The following ADGRA3 variants were observed in gnomAD, a reference collection of about 807,000 sequenced individuals.
ADGRA3 encodes G-protein coupled receptor 125.
ADGRA3 carries 56 observed loss-of-function variants against 119.8 expected under a neutral mutation model. That is an observed-to-expected ratio of 0.47 (90% CI 0.38 to 0.58). ADGRA3 has a LOEUF of 0.58. Among genes scored for constraint, ADGRA3 ranks in the 20% least tolerant of loss-of-function variants. The probability of loss-of-function intolerance (pLI) is 0.00; values close to 1 mark genes in which losing one functional copy is unlikely to be tolerated. For synonymous variants in ADGRA3, 607 were observed against 623.8 expected, an observed-to-expected ratio of 0.97 and a Z score of 0.40; for missense variants, 1,516 against 1,649.0, an observed-to-expected ratio of 0.92 and a Z score of 1.40.
At chr4:22,455,245 T>C (rs1407922345) in intron 3 of ADGRA3, among the ~76,000 whole-genome samples, 1 of 152,174 alleles carries the variant, frequency 6.6e-6, no homozygotes. Context: ...TCAAACTATT[T>C]TGCTGCCTGC....
At chr4:22,501,359 T>C (rs1719042160) in intron 1 of ADGRA3, among the ~76,000 whole-genome samples, 1 of 152,164 alleles carries the variant, frequency 6.6e-6, no homozygotes. Flanking sequence ...AAGGCCAGGA[T>C]CTTCAGTTTT....
chr4:22,391,395 C>A (rs1337126675), intron 17 of ADGRA3, among the ~76,000 whole-genome samples: 1 of 152,118 alleles, frequency 6.6e-6, no homozygotes, highest in South Asian at 2.1e-4. Context: ...CGCTAGCTAG[C>A]TAGAATAGAC....
intron 1 of ADGRA3, among the ~76,000 whole-genome samples, chr4:22,505,505 G>A (rs1719205081): frequency 6.6e-6 from 1 of 151,980 alleles, no homozygotes; most frequent in Non-Finnish European, 1.5e-5. Context: ...AAATTAGCTA[G>A]GCATGGTGGT....
At position 22,387,710 on chromosome 4, in the gene ADGRA3, C is replaced by T; in HGVS notation, c.3961G>A (p.Val1321Met). Residue 1321 changes from valine to methionine, a missense_variant, in exon 19 of 19, where the codon GTG (valine) becomes ATG (methionine). Transcript: ENST00000334304. ...GCCTAGGAAGCCCAGCAATGTTACA[C>T]AGTAGTTTCGTGTTTCCATAATCCA... The part of the protein sequence containing the change: ...RTGLWKHETT[V>M] 1.2e-6 allele frequency: 2 copies of T among 1,601,306 alleles called. No homozygotes were observed. The highest frequency in any genetic ancestry group is 1.1e-5 in the South Asian group (1 of 89,836).
At chr4:22,453,117 C>T (rs756358326) in intron 4 of ADGRA3, among the ~76,000 whole-genome samples, 8 of 148,598 alleles carry the variant, frequency 5.4e-5, no homozygotes, top group African/African-American at 1.0e-4. Flanking sequence ...CAGAGAATGG[C>T]GTGAACCCGG....
At chr4:22,454,241 T>C (rs1210613210) in intron 4 of ADGRA3, among the ~76,000 whole-genome samples, 2 of 152,116 alleles carry the variant, frequency 1.3e-5, no homozygotes, top group African/African-American at 4.8e-5. Context: ...ATATTCTATA[T>C]AAATTATAAT....
chr4:22,475,011 A>G (rs2109123424), intron 1 of ADGRA3, among the ~76,000 whole-genome samples: 1 of 152,332 alleles, frequency 6.6e-6, no homozygotes, highest in Non-Finnish European at 1.5e-5. Flanking sequence ...TATTAATACA[A>G]AACAGCCATT....
At chr4:22,508,329 A>G (rs1448479784) in intron 1 of ADGRA3, among the ~76,000 whole-genome samples, 1 of 152,228 alleles carries the variant, frequency 6.6e-6, no homozygotes, top group Non-Finnish European at 1.5e-5. Context: ...AAAGGCACAC[A>G]GGAAGCAAAA....
At chr4:22,416,405 A>G (rs1319346844) in intron 12 of ADGRA3, among the ~76,000 whole-genome samples, 2 of 152,200 alleles carry the variant, frequency 1.3e-5, no homozygotes, top group Non-Finnish European at 2.9e-5. Context: ...TGTAGAGAAC[A>G]TGAGATCTGA....
intron 4 of ADGRA3, among the ~76,000 whole-genome samples, chr4:22,454,181 A>T (rs2109091063): frequency 6.6e-6 from 1 of 152,182 alleles, no homozygotes; most frequent in Admixed American, 6.5e-5. Flanking sequence ...TTATTTTTTT[A>T]AAAAAGATAT....
In ADGRA3 at chr4:22,388,471, G is replaced by C. The variant is rs778214023; in HGVS notation, c.3200C>G (p.Ser1067Trp). The change falls in exon 19 of 19, where the codon TCG (serine) becomes TGG (tryptophan). Residue 1067 changes from serine to tryptophan, a missense_variant. By Grantham distance (177) the Ser-to-Trp change is radical (BLOSUM62 -3). Coordinates refer to ENST00000334304, the MANE Select transcript of ADGRA3 (RefSeq NM_145290.4). ...CTGGACGTTGACTTGCACTGAATAC[G>C]AGCTCCGTCCTGGGCAGCAAGTCAT... ...WIMTCCPGRS[S>W]YSVQVNVQPP... 6.2e-7 allele frequency: 1 copy of C among 1,613,890 alleles called. No homozygotes were observed. Among genetic ancestry groups the C allele is most frequent in the Non-Finnish European group, 8.5e-7 (1 of 1,180,000 alleles).
intron 17 of ADGRA3, among the ~76,000 whole-genome samples, chr4:22,389,859 C>G (rs781232050): frequency 2.6e-5 from 4 of 152,160 alleles, no homozygotes; most frequent in Admixed American, 2.0e-4. Flanking sequence ...GCTCCTTGAT[C>G]TCTCTGAAAA....
At chr4:22,411,561 T>C (rs935506544) in intron 14 of ADGRA3, among the ~76,000 whole-genome samples, 2 of 152,108 alleles carry the variant, frequency 1.3e-5, no homozygotes, top group Non-Finnish European at 2.9e-5. Flanking sequence ...ATTGCACCAC[T>C]GCACTCCAGC....
At chr4:22,433,709 T>C (rs1291191965) in intron 10 of ADGRA3, among the ~76,000 whole-genome samples, 1 of 152,190 alleles carries the variant, frequency 6.6e-6, no homozygotes, top group South Asian at 2.1e-4. Context: ...CAAATGTCAT[T>C]ACAATTATTC....
rs559403938 is a variant in ADGRA3, at chr4:22,439,384, G to A, written c.921-964C>T. Among the ~76,000 whole-genome samples the A allele has an allele frequency of 6.6e-5, 10 of 152,212 alleles. No individual in the cohort carries two copies. In the South Asian group the frequency reaches 1.5e-3, roughly 22 times the overall value. On this transcript the variant is annotated intron_variant, in intron 7 of 18. Coordinates refer to ENST00000334304, the MANE Select transcript of ADGRA3 (RefSeq NM_145290.4). Reference sequence around the variant, plus strand: ...TCTAATATAAAACCTATTAATTAAGGAGCAAATGTCAGAGCCTTCAATTAA... The same window carrying A: ...TCTAATATAAAACCTATTAATTAAGAAGCAAATGTCAGAGCCTTCAATTAA...
rs192465571 is a variant in ADGRA3, at chr4:22,435,562, G to A, written c.1288-96C>T. The A allele has an allele frequency of 2.4e-4, 267 of 1,103,376 alleles. 1 individual carries two copies. The Admixed American group carries it at 4.6e-3, about 19-fold the overall frequency. 68.3% of individuals were successfully genotyped at this position (1,103,376 alleles called of 1,614,324 possible). On this transcript the variant is annotated intron_variant, in intron 9 of 18. Transcript: ENST00000334304. ...TAACTTTGCATTTCAAAACAGCAAC[G>A]AATTAAAAACTTTATTATTTACTCA...
At chr4:22,474,462 A>G (rs1717966575) in intron 1 of ADGRA3, among the ~76,000 whole-genome samples, 1 of 152,206 alleles carries the variant, frequency 6.6e-6, no homozygotes, top group Non-Finnish European at 1.5e-5. Context: ...TGACTCAAAG[A>G]AGTCATAGTT....
Position 22,454,940 on chromosome 4 carries a change from AAGG to A in ADGRA3, c.402-6_402-4del. 6.2e-7 allele frequency: 1 copy of A among 1,611,382 alleles called. No homozygotes were observed. The highest frequency in any genetic ancestry group is 1.1e-5 in the South Asian group (1 of 91,042). The stretch of plus-strand genomic sequence containing the variant: ...CTATTCGATTGTTTGTCAGATCCCT[AAGG>A]AGAAGGGTGGAAAAGTGTCTTCAAT... On this transcript the variant is annotated splice_region_variant and splice_polypyrimidine_tract_variant and intron_variant, in intron 3 of 18. Transcript: ENST00000334304.
At chr4:22,441,723 A>T (rs1716622240) in intron 7 of ADGRA3, among the ~76,000 whole-genome samples, 2 of 152,302 alleles carry the variant, frequency 1.3e-5, no homozygotes, top group African/African-American at 4.8e-5. Flanking sequence ...GCCAGTAGCA[A>T]TAACCACAAG....
Sources: allele counts gnomAD v4.1 joint callset (sites outside exome capture counted in the v4.1 genomes callset), GRCh38; gene constraint gnomAD v4.1.1; transcripts MANE v1.5; gene names NCBI Gene and HGNC (gene_info 2026-07-23, HGNC 2026-07-21).